Variants in YME1L1 observed in about 807,000 individuals in gnomAD.
The protein encoded by YME1L1 is ATP-dependent zinc metalloprotease YME1L1.
YME1L1 carries 39 observed loss-of-function variants against 90.4 expected under a neutral mutation model. The ratio of observed to expected loss-of-function variants is 0.43; its 90% CI spans 0.33 to 0.56. The LOEUF (loss-of-function observed/expected upper bound fraction) is 0.56. Among genes scored for constraint, YME1L1 ranks in the 20% least tolerant of loss-of-function variants. The probability of loss-of-function intolerance (pLI) is 0.03; values close to 1 mark genes in which losing one functional copy is unlikely to be tolerated. For missense variants in YME1L1, 617 were observed against 868.4 expected, an observed-to-expected ratio of 0.71 and a Z score of 3.64; for synonymous variants, 284 against 287.3, an observed-to-expected ratio of 0.99 and a Z score of 0.12.
At chr10:27,122,598 T>C (rs946475478) in intron 11 of YME1L1, among the ~76,000 whole-genome samples, 1 of 152,180 alleles carries the variant, frequency 6.6e-6, no homozygotes, top group Non-Finnish European at 1.5e-5. Context: ...ATAAATACCA[T>C]AAATTAAATA....
intron 9 of YME1L1, 40 bp from the exon 10 acceptor site, chr10:27,123,739 T>A (rs1475066210): frequency 6.4e-7 from 1 of 1,559,434 alleles, no homozygotes; most frequent in Non-Finnish European, 8.6e-7. Flanking sequence ...AAAGTATTTT[T>A]AAAAAATCCC....
At chr10:27,148,101 A>C (rs1360643026) in intron 2 of YME1L1, among the ~76,000 whole-genome samples, 1 of 152,028 alleles carries the variant, frequency 6.6e-6, no homozygotes, top group Non-Finnish European at 1.5e-5. Context: ...TTATTTTTTT[A>C]AGAGTTTTAT....
Position 27,111,863 on chromosome 10 carries a change from AC to A in YME1L1, c.*113del, listed in dbSNP as rs758495001. The A allele has an allele frequency of 2.2e-6, 3 of 1,344,366 alleles. No homozygotes were observed. In the African/African-American group the frequency reaches 4.3e-5, roughly 19 times the overall value. The allele number at this position is 1,344,366 out of a possible 1,614,324, so 83.3% of individuals were successfully genotyped here. ...ACAAATGATTGACAAAGCATTTCAC[AC>A]CCTTCAATTACACCACATCAAGAAT... On this transcript the variant is annotated 3_prime_UTR_variant, in exon 19 of 19. Coordinates refer to ENST00000376016, the MANE Select transcript of YME1L1 (RefSeq NM_014263.4).
At chr10:27,124,677 C>T (rs2056899373) in intron 9 of YME1L1, among the ~76,000 whole-genome samples, 1 of 152,098 alleles carries the variant, frequency 6.6e-6, no homozygotes, top group Non-Finnish European at 1.5e-5. Context: ...ATTTATACTA[C>T]TCAAATTTTC....
chr10:27,121,473 T>C, intron 11 of YME1L1, 25 bp from the exon 12 acceptor site: 1 of 1,468,018 alleles, frequency 6.8e-7, no homozygotes, highest in Non-Finnish European at 9.5e-7. Context: ...AAATAGTATC[T>C]TTTACTAACA....
intron 4 of YME1L1, among the ~76,000 whole-genome samples, chr10:27,142,051 CTTTT>C (rs1393121779): frequency 7.6e-6 from 1 of 131,976 alleles, no homozygotes; most frequent in Admixed American, 7.0e-5. Flanking sequence ...TGTTGTTGCT[CTTTT>C]TTTCTCATAT....
chr10:27,115,637 C>T (rs900659862), intron 17 of YME1L1, among the ~76,000 whole-genome samples: 2 of 152,084 alleles, frequency 1.3e-5, no homozygotes, highest in Non-Finnish European at 2.9e-5. Context: ...AAGTCTGGTT[C>T]TCAGTACTTT....
At chr10:27,119,549 C>G (rs1326186642) in intron 13 of YME1L1, 100 bp from the exon 14 acceptor site, 6 of 1,326,828 alleles carry the variant, frequency 4.5e-6, no homozygotes, top group African/African-American at 1.5e-5. Context: ...TGGCTCATGC[C>G]TGTAATCCCA....
chr10:27,141,639 C>G (rs1489563559), intron 4 of YME1L1, among the ~76,000 whole-genome samples: 3 of 140,976 alleles, frequency 2.1e-5, no homozygotes, highest in African/African-American at 8.7e-5. Flanking sequence ...CACACACACA[C>G]ACACACACAG....
chr10:27,116,161 T>A, intron 16 of YME1L1, 28 bp from the exon 17 acceptor site: 1 of 1,613,624 alleles, frequency 6.2e-7, no homozygotes. Context: ...CATACCATTT[T>A]AAAACATATC....
intron 3 of YME1L1, 128 bp downstream of exon 3, chr10:27,145,288 GCAAAAAAAAAAA>G (rs373063722): frequency 0.016 from 10,040 of 620,994 alleles, 94 homozygotes; most frequent in South Asian, 0.034. Context: ...ATGAAAAATT[GCAAAAAAAAAAA>G]CAAAAAAAAA....
intron 1 of YME1L1, among the ~76,000 whole-genome samples, chr10:27,152,767 A>G (rs2057236279): frequency 6.6e-6 from 1 of 151,134 alleles, no homozygotes; most frequent in Non-Finnish European, 1.5e-5. Context: ...TCTTCAAAAT[A>G]TATCTCATTC....
rs535180914 is a variant in YME1L1 at position 27,111,326 on chromosome 10, G to C, written c.*651C>G. On this transcript the variant is annotated 3_prime_UTR_variant, in exon 19 of 19. Transcript: ENST00000376016. ...CCGCCTTGGCCTCTGAAAAGTGCTG[G>C]GATTACAGGCGTGAGCAACCGCGCC... The C allele has an allele frequency of 6.5e-6, 1 of 153,580 alleles. No homozygotes were observed. The highest frequency in any genetic ancestry group is 1.4e-5 in the Non-Finnish European group (1 of 69,112). The allele number at this position is 153,580 out of a possible 1,614,324, so 9.5% of individuals were successfully genotyped here. A position where few individuals can be genotyped will look rare whatever the true frequency, so the allele number is the denominator to read the frequency against.
chr10:27,151,594 A>G (rs975083017), intron 1 of YME1L1, among the ~76,000 whole-genome samples: 8 of 152,216 alleles, frequency 5.3e-5, no homozygotes, highest in African/African-American at 1.9e-4. Context: ...TTAAGTATGC[A>G]TACCCGTGGG....
At position 27,122,840 on chromosome 10, in the gene YME1L1, C is replaced by A. The variant is rs2056880684; in HGVS notation, c.1235+1G>T. On this transcript the variant is annotated splice_donor_variant, in intron 11 of 18. Coordinates refer to ENST00000376016, the MANE Select transcript of YME1L1 (RefSeq NM_014263.4). LOFTEE classifies it high-confidence loss of function. ...TCTAAGAAAAAAGAAGACTCAATTA[C>A]CCATCCATTTCAGCAAGAAGTTGAT... 6.2e-7 allele frequency: 1 copy of A among 1,612,788 alleles called. No individual in the cohort carries two copies.
Position 27,110,900 on chromosome 10 carries a change from C to CTCTG in YME1L1, c.*1073_*1076dup, listed in dbSNP as rs1491331021. On this transcript the variant is annotated 3_prime_UTR_variant, in exon 19 of 19. Coordinates refer to ENST00000376016, the MANE Select transcript of YME1L1 (RefSeq NM_014263.4). ...AATTTTTTTTTGAGACAGAGTCTCACTCTGTCACCCAGGCTGGAGTGCAGT... is the reference window on the plus strand; with the variant it reads ...AATTTTTTTTTGAGACAGAGTCTCACTCTGTCTGTCACCCAGGCTGGAGTGCAGT... 6.6e-6 allele frequency: 1 copy of CTCTG among 152,040 alleles called. No individual in the cohort carries two copies. The highest frequency in any genetic ancestry group is 6.6e-5 in the Admixed American group (1 of 15,254). The allele number at this position is 152,040 out of a possible 1,614,324, so 9.4% of individuals were successfully genotyped here.
chr10:27,134,657 T>G (rs921933962), intron 6 of YME1L1, among the ~76,000 whole-genome samples, 174 bp downstream of exon 6: 2 of 152,262 alleles, frequency 1.3e-5, no homozygotes, highest in African/African-American at 4.8e-5. Flanking sequence ...TTGTTTTCTC[T>G]CTTGAGAAAG....
chr10:27,153,753 G>C (rs897925025), intron 1 of YME1L1, among the ~76,000 whole-genome samples: 2 of 152,144 alleles, frequency 1.3e-5, no homozygotes, highest in Admixed American at 1.3e-4. Flanking sequence ...CATTTAAAAG[G>C]AAATAAAGAG....
Position 27,145,599 on chromosome 10 carries a change from G to C in YME1L1, c.169-9C>G. ...CTTAAGTTAAGTGAAGGCTGTAAAA[G>C]ATTGGGTCAACCAGGTATGCATTAA... is the stretch of plus-strand genomic sequence containing the variant. On this transcript the variant is annotated splice_polypyrimidine_tract_variant and intron_variant, in intron 2 of 18. Transcript: ENST00000376016. The C allele has an allele frequency of 6.2e-7, 1 of 1,609,264 alleles. No homozygotes were observed. Among genetic ancestry groups the C allele is most frequent in the Non-Finnish European group, 8.5e-7 (1 of 1,177,006 alleles).
Sources: allele counts gnomAD v4.1 joint callset (sites outside exome capture counted in the v4.1 genomes callset), GRCh38; gene constraint gnomAD v4.1.1; transcripts MANE v1.5; gene names NCBI Gene and HGNC (gene_info 2026-07-23, HGNC 2026-07-21).